Variants in BPIFC observed in about 807,000 individuals in gnomAD.
The protein encoded by BPIFC is BPI fold containing family C.
BPIFC carries 60 observed loss-of-function variants against 57.6 expected under a neutral mutation model. The observed-to-expected ratio is 1.04, with a 90% CI of 0.85 to 1.29. BPIFC has a LOEUF of 1.29. BPIFC is among the 50% of genes most tolerant of loss of function. The pLI is 0.00. For missense variants in BPIFC, 581 were observed against 600.5 expected, an observed-to-expected ratio of 0.97 and a Z score of 0.34; for synonymous variants, 243 against 224.5, an observed-to-expected ratio of 1.08 and a Z score of -0.74.
At chr22:32,456,026 A>G (rs575612458) in intron 3 of BPIFC, among the ~76,000 whole-genome samples, 11 of 152,358 alleles carry the variant, frequency 7.2e-5, no homozygotes, top group African/African-American at 2.6e-4. Context: ...GAGAAAATCC[A>G]CTGGCCCAAG....
intron 13 of BPIFC, among the ~76,000 whole-genome samples, chr22:32,428,734 C>T (rs1934143362): frequency 6.6e-6 from 1 of 151,932 alleles, no homozygotes; most frequent in Admixed American, 6.6e-5. Flanking sequence ...CCCATCTCTA[C>T]TAAAAAATAC....
intron 5 of BPIFC, chr22:32,446,884 C>G: frequency 1.2e-6 from 1 of 840,282 alleles, no homozygotes; most frequent in Non-Finnish European, 1.4e-6. Context: ...TGTTGAATGG[C>G]TGGCTCAAGA....
In BPIFC at chr22:32,437,135, A is replaced by C. The variant is rs912279408; in HGVS notation, c.747+625T>G. Among the ~76,000 whole-genome samples the C allele has an allele frequency of 5.3e-5, 8 of 152,238 alleles. No homozygotes were observed. The East Asian group carries it at 1.5e-3, about 29-fold the overall frequency. ...GCTACTGATGTGTTTAGTTCCAATA[A>C]ATGCAGACTGCTCTACTTGCTGCCT... On this transcript the variant is annotated intron_variant, in intron 9 of 16. Coordinates refer to ENST00000300399, the MANE Select transcript of BPIFC (RefSeq NM_174932.3).
intron 8 of BPIFC, among the ~76,000 whole-genome samples, chr22:32,439,766 C>T (rs937132452): frequency 3.3e-5 from 5 of 152,032 alleles, no homozygotes; most frequent in African/African-American, 4.8e-5. Flanking sequence ...AGGCCTGCGC[C>T]ACCACCTCTG....
chr22:32,451,800 C>T (rs1455232724), intron 4 of BPIFC, among the ~76,000 whole-genome samples: 6 of 152,260 alleles, frequency 3.9e-5, no homozygotes, highest in East Asian at 1.9e-4. Context: ...TCTGCTGTGG[C>T]ATTATTACTG....
intron 13 of BPIFC, among the ~76,000 whole-genome samples, chr22:32,424,672 T>TTCC (rs1933978196): frequency 1.5e-4 from 13 of 86,940 alleles, no homozygotes; most frequent in African/African-American, 8.2e-4. Flanking sequence ...CTTCTTCTTC[T>TTCC]TCTTCTTCTT....
Position 32,432,665 on chromosome 22 carries a change from C to G in BPIFC, c.979-122G>C, listed in dbSNP as rs564797709. 1.3e-4 allele frequency: 125 copies of G among 942,392 alleles called. 3 individuals carry two copies. The South Asian group carries it at 2.3e-3, about 17-fold the overall frequency. The allele number at this position is 942,392 out of a possible 1,614,324, so 58.4% of individuals were successfully genotyped here. On this transcript the variant is annotated intron_variant, in intron 11 of 16. Transcript: ENST00000300399. ...TTGTGCAGTTAGAATAGAAAAAAAG[C>G]TCTTTAATAATCATAATTACACACA...
intron 16 of BPIFC, 94 bp from the exon 17 acceptor site, chr22:32,414,519 A>G (rs745940110): frequency 1.5e-4 from 216 of 1,445,738 alleles, no homozygotes; most frequent in Non-Finnish European, 2.0e-4. Flanking sequence ...TTTTTTTATT[A>G]TTTTAATTTT....
chr22:32,437,182 A>T (rs738261), intron 9 of BPIFC, among the ~76,000 whole-genome samples: 3 of 152,020 alleles, frequency 2.0e-5, no homozygotes, highest in East Asian at 1.9e-4. Flanking sequence ...ACCTACTCCT[A>T]GGGGCAAAGA....
At chr22:32,428,340 C>G (rs1308184302) in intron 13 of BPIFC, among the ~76,000 whole-genome samples, 2 of 151,720 alleles carry the variant, frequency 1.3e-5, no homozygotes, top group Non-Finnish European at 2.9e-5. Context: ...GAGATCATAG[C>G]TCACTGCAGC....
rs879668188 is a variant in BPIFC, at chr22:32,424,600, T to TCTC, written c.1218-5199_1218-5197dup. The stretch of plus-strand genomic sequence containing the variant: ...TTCTTCTTCTTCTTCTTCTTCTTCT[T>TCTC]CTCCTCCTCCTCCTCCTCCTCCTCC... On this transcript the variant is annotated intron_variant, in intron 13 of 16. Coordinates refer to ENST00000300399, the MANE Select transcript of BPIFC (RefSeq NM_174932.3). Among the ~76,000 whole-genome samples the TCTC allele has an allele frequency of 2.7e-3, 211 of 78,592 alleles. 19 individuals carry two copies. The highest frequency in any genetic ancestry group is 0.011 in the Middle Eastern group (2 of 176). The allele number at this position is 78,592 out of a possible 152,430, so 51.6% of individuals were successfully genotyped here.
chr22:32,446,397 A>G (rs1441365383), intron 5 of BPIFC, among the ~76,000 whole-genome samples: 1 of 152,224 alleles, frequency 6.6e-6, no homozygotes, highest in Non-Finnish European at 1.5e-5. Context: ...GAACTCCTTG[A>G]GGGAGTGGAT....
At chr22:32,449,441 T>C (rs1439168974) in intron 4 of BPIFC, among the ~76,000 whole-genome samples, 1 of 152,216 alleles carries the variant, frequency 6.6e-6, no homozygotes, top group Non-Finnish European at 1.5e-5. Context: ...CTAATAATAT[T>C]TCCTCTTCTA....
intron 11 of BPIFC, among the ~76,000 whole-genome samples, chr22:32,433,396 A>G (rs1480881980): frequency 1.3e-5 from 2 of 152,226 alleles, no homozygotes; most frequent in African/African-American, 2.4e-5. Flanking sequence ...AAGTGTGGGC[A>G]CTAATCCTTC....
chr22:32,461,558 G>C lies in BPIFC; in HGVS notation c.-1+16C>G. ...GACAGTAACAGCATCTTAACACTCT[G>C]AATGGATGCATGTACCTCCTGCAGG... On this transcript the variant is annotated intron_variant, in intron 2 of 16. Transcript: ENST00000300399. 1 of 983,974 alleles carries C rather than the reference G, an allele frequency of 1.0e-6. No homozygotes were observed. The highest frequency in any genetic ancestry group is 1.2e-6 in the Non-Finnish European group (1 of 828,590). 61.0% of individuals were successfully genotyped at this position (983,974 alleles called of 1,614,324 possible). A position where few individuals can be genotyped will look rare whatever the true frequency, so the allele number is the denominator to read the frequency against.
At chr22:32,416,428 T>C (rs1933680794) in intron 15 of BPIFC, among the ~76,000 whole-genome samples, 1 of 152,186 alleles carries the variant, frequency 6.6e-6, no homozygotes, top group African/African-American at 2.4e-5. Flanking sequence ...CCCGGTTCCA[T>C]GTTTGCATTC....
intron 10 of BPIFC, 55 bp downstream of exon 10, chr22:32,435,649 T>A: frequency 6.5e-7 from 1 of 1,548,100 alleles, no homozygotes; most frequent in Non-Finnish European, 8.7e-7. Flanking sequence ...AATAGGATAC[T>A]TATAAAAAGG....
At chr22:32,459,555 C>T (rs896186370) in intron 2 of BPIFC, among the ~76,000 whole-genome samples, 3 of 151,860 alleles carry the variant, frequency 2.0e-5, no homozygotes, top group Admixed American at 6.6e-5. Flanking sequence ...CCCAGCTACT[C>T]GGGACGCTGA....
At chr22:32,432,619 C>T (rs996759994) in intron 11 of BPIFC, 76 bp from the exon 12 acceptor site, 2 of 1,386,996 alleles carry the variant, frequency 1.4e-6, no homozygotes, top group East Asian at 4.6e-5. Flanking sequence ...TTAGGATGGC[C>T]TGTGGTGACT....
Sources: allele counts gnomAD v4.1 joint callset (sites outside exome capture counted in the v4.1 genomes callset), GRCh38; gene constraint gnomAD v4.1.1; transcripts MANE v1.5; gene names NCBI Gene and HGNC (gene_info 2026-07-23, HGNC 2026-07-21).